The following COL28A1 variants were observed in gnomAD, a reference collection of about 807,000 sequenced individuals.
COL28A1 encodes collagen type XXVIII alpha 1 chain.
COL28A1 carries 161 observed loss-of-function variants against 150.2 expected under a neutral mutation model. The observed-to-expected ratio is 1.07, with a 90% confidence interval of 0.94 to 1.22. The LOEUF is 1.22. Ranked by LOEUF, COL28A1 falls within the 50% of genes most tolerant of loss-of-function variation. The probability of loss-of-function intolerance (pLI) is 0.00; values close to 1 mark genes in which losing one functional copy is unlikely to be tolerated. For missense variants in COL28A1, 1,617 were observed against 1,388.3 expected, an observed-to-expected ratio of 1.16 and a Z score of -2.62; for synonymous variants, 552 against 469.7, an observed-to-expected ratio of 1.18 and a Z score of -2.26.
the COL28A1 span, among the ~76,000 whole-genome samples, chr7:7,341,136 A>G: frequency 2.0e-5 from 3 of 152,162 alleles, no homozygotes; most frequent in Admixed American, 2.0e-4. Flanking sequence ...CAAGCTTCAG[A>G]CCATTTCAAC....
chr7:7,474,508 G>A, intron 15 of COL28A1, 93 bp downstream of exon 15: 1 of 590,954 alleles, frequency 1.7e-6, no homozygotes, highest in South Asian at 2.9e-5. Context: ...GTGTGGCATG[G>A]TTGTCATGTA....
At chr7:7,423,985 A>G (rs1424686815) in intron 25 of COL28A1, among the ~76,000 whole-genome samples, 1 of 152,208 alleles carries the variant, frequency 6.6e-6, no homozygotes, top group Non-Finnish European at 1.5e-5. Context: ...GTGGTCCTTC[A>G]GTGTTCACCT....
At chr7:7,338,501 A>T in the COL28A1 span, among the ~76,000 whole-genome samples, 107 of 152,138 alleles carry the variant, frequency 7.0e-4, 1 homozygote, top group African/African-American at 2.5e-3. Flanking sequence ...CTTGAATATT[A>T]TTGGTGTATA....
At chr7:7,406,133 G>C (rs902278618) in intron 27 of COL28A1, among the ~76,000 whole-genome samples, 3 of 152,154 alleles carry the variant, frequency 2.0e-5, no homozygotes, top group African/African-American at 7.2e-5. Context: ...GGCCAACCAT[G>C]TATACCAACC....
chr7:7,418,427 T>C (rs1470612386), intron 26 of COL28A1, among the ~76,000 whole-genome samples: 2 of 152,144 alleles, frequency 1.3e-5, no homozygotes. Flanking sequence ...GTGTAGCATT[T>C]CCCAGTATCT....
At chr7:7,426,151 TC>T (rs1173843009) in intron 25 of COL28A1, among the ~76,000 whole-genome samples, 1 of 152,200 alleles carries the variant, frequency 6.6e-6, no homozygotes, top group African/African-American at 2.4e-5. Context: ...TTAAGGATGT[TC>T]CAAGGAATGG....
intron 11 of COL28A1, among the ~76,000 whole-genome samples, chr7:7,499,331 G>C (rs1167532841): frequency 6.6e-6 from 1 of 152,128 alleles, no homozygotes; most frequent in African/African-American, 2.4e-5. Context: ...CACAACCCTT[G>C]TTCAAAATTG....
the COL28A1 span, among the ~76,000 whole-genome samples, chr7:7,350,439 C>T: frequency 6.6e-6 from 1 of 152,048 alleles, no homozygotes; most frequent in East Asian, 1.9e-4. Flanking sequence ...TAAGATAATG[C>T]TCCAAAATTT....
chr7:7,539,955 C>T (rs993455465), upstream of COL28A1, among the ~76,000 whole-genome samples: 5 of 152,236 alleles, frequency 3.3e-5, no homozygotes, highest in South Asian at 2.1e-4. Flanking sequence ...GCTAAATTCC[C>T]GTTATACCAA....
intron 25 of COL28A1, chr7:7,431,473 G>C (rs1485605981): frequency 8.5e-6 from 4 of 468,628 alleles, no homozygotes; most frequent in South Asian, 4.7e-5. Flanking sequence ...GGTGGTCGGG[G>C]AGGTGACATT....
At chr7:7,409,194 A>T (rs969824303) in intron 27 of COL28A1, among the ~76,000 whole-genome samples, 4 of 152,164 alleles carry the variant, frequency 2.6e-5, no homozygotes, top group African/African-American at 9.6e-5. Flanking sequence ...CTAGTAACTT[A>T]CTTCTGACCA....
At chr7:7,445,372 G>A (rs1267659716) in intron 18 of COL28A1, among the ~76,000 whole-genome samples, 1 of 152,160 alleles carries the variant, frequency 6.6e-6, no homozygotes, top group East Asian at 1.9e-4. Context: ...AAGCTAAGAT[G>A]AGACCAGGAA....
intron 30 of COL28A1, among the ~76,000 whole-genome samples, chr7:7,377,161 T>C (rs1781602332): frequency 6.6e-6 from 1 of 152,236 alleles, no homozygotes; most frequent in African/African-American, 2.4e-5. Flanking sequence ...GCAATGCATG[T>C]ATCAAGGTTA....
rs1040133525 is a variant in COL28A1, at chr7:7,417,999, T to C, written c.2068-72A>G. Reference sequence around the variant, plus strand: ...AAGAAGAAACAACGTTAAGTATTACTACTCTCAGCTGCATTCTTACTTCAG... The same window carrying C: ...AAGAAGAAACAACGTTAAGTATTACCACTCTCAGCTGCATTCTTACTTCAG... On this transcript the variant is annotated intron_variant, in intron 26 of 34. Coordinates refer to ENST00000399429, the MANE Select transcript of COL28A1 (RefSeq NM_001037763.3). The C allele has an allele frequency of 3.3e-6, 4 of 1,202,618 alleles. No homozygotes were observed. In the Admixed American group the frequency reaches 6.1e-5, roughly 18 times the overall value. 74.5% of individuals were successfully genotyped at this position (1,202,618 alleles called of 1,614,324 possible). A position where few individuals can be genotyped will look rare whatever the true frequency, so the allele number is the denominator to read the frequency against.
chr7:7,486,669 A>C lies in COL28A1; in HGVS notation c.1164+2720T>G, dbSNP rs139942399. On this transcript the variant is annotated intron_variant, in intron 13 of 34. Transcript: ENST00000399429. ...GTTTATTAGGGTTTTGAGTTTTGCC[A>C]AATGCTTTCCTGTGTCTTTTGATGT... is the stretch of plus-strand genomic sequence containing the variant. 4.6e-3 allele frequency among the ~76,000 whole-genome samples: 705 copies of C among 152,326 alleles called. 5 individuals carry two copies. Among genetic ancestry groups the C allele is most frequent in the East Asian group, 0.022 (113 of 5,192 alleles).
chr7:7,481,218 A>G (rs971461193), intron 13 of COL28A1, among the ~76,000 whole-genome samples: 2 of 152,226 alleles, frequency 1.3e-5, no homozygotes, highest in Admixed American at 1.3e-4. Flanking sequence ...AGGTGAAAAT[A>G]TTGGATCTTT....
intron 30 of COL28A1, among the ~76,000 whole-genome samples, chr7:7,379,092 A>G (rs1012624185): frequency 6.6e-6 from 1 of 152,142 alleles, no homozygotes; most frequent in African/African-American, 2.4e-5. Flanking sequence ...GGCATAGAGG[A>G]ACATATGTGC....
intron 8 of COL28A1, among the ~76,000 whole-genome samples, chr7:7,515,527 G>C (rs1781369519): frequency 1.3e-5 from 2 of 152,134 alleles, no homozygotes; most frequent in South Asian, 2.1e-4. Context: ...CTTTTAGCCT[G>C]CATACCTGTG....
chr7:7,348,655 T>A, the COL28A1 span, among the ~76,000 whole-genome samples: 1 of 152,114 alleles, frequency 6.6e-6, no homozygotes, highest in Non-Finnish European at 1.5e-5. Context: ...CTTTTTTTTT[T>A]ATTATTCGCT....
Sources: allele counts gnomAD v4.1 joint callset (sites outside exome capture counted in the v4.1 genomes callset), GRCh38; gene constraint gnomAD v4.1.1; transcripts MANE v1.5; gene names NCBI Gene and HGNC (gene_info 2026-07-23, HGNC 2026-07-21).